Variants in GRIN2B observed in about 807,000 individuals in gnomAD.
GRIN2B encodes the protein glutamate ionotropic receptor NMDA type subunit 2B.
A neutral mutation model predicts 114.5 loss-of-function variants in GRIN2B; 5 were observed. That is an observed-to-expected ratio of 0.04 (90% CI 0.02 to 0.09). The LOEUF (loss-of-function observed/expected upper bound fraction) is 0.09, where lower values mean the gene tolerates loss of function less well. GRIN2B is among the 10% of genes least tolerant of loss of function. GRIN2B has a pLI of 1.00. For missense variants in GRIN2B, 1,108 were observed against 1,943.5 expected, an observed-to-expected ratio of 0.57 and a Z score of 8.08; for synonymous variants, 787 against 745.1, an observed-to-expected ratio of 1.06 and a Z score of -0.92.
At chr12:13,599,352 A>G (rs548979584) in intron 10 of GRIN2B, among the ~76,000 whole-genome samples, 1 of 152,296 alleles carries the variant, frequency 6.6e-6, no homozygotes, top group South Asian at 2.1e-4. Context: ...TGCCACCATT[A>G]CAGCTGGAGG....
At chr12:13,713,847 T>A (rs1318136020) in intron 4 of GRIN2B, among the ~76,000 whole-genome samples, 1 of 151,910 alleles carries the variant, frequency 6.6e-6, no homozygotes, top group Non-Finnish European at 1.5e-5. Context: ...GCTTTTAGTC[T>A]GCCTGGCTGG....
chr12:13,707,176 C>G (rs1219118034), intron 4 of GRIN2B, among the ~76,000 whole-genome samples: 4 of 152,074 alleles, frequency 2.6e-5, no homozygotes, highest in African/African-American at 2.4e-5. Context: ...TCTGTCAGCT[C>G]TTACTCCATT....
intron 3 of GRIN2B, among the ~76,000 whole-genome samples, chr12:13,824,873 A>C (rs1865003218): frequency 6.6e-6 from 1 of 151,282 alleles, no homozygotes; most frequent in East Asian, 1.9e-4. Context: ...AAAAAAAAAA[A>C]AAAAATCCAG....
At chr12:13,892,163 T>C (rs997508238) in intron 2 of GRIN2B, among the ~76,000 whole-genome samples, 1 of 152,168 alleles carries the variant, frequency 6.6e-6, no homozygotes, top group South Asian at 2.1e-4. Flanking sequence ...GTGAAATGAA[T>C]TGAAATTTCA....
intron 4 of GRIN2B, among the ~76,000 whole-genome samples, chr12:13,706,624 A>G (rs1353560139): frequency 1.3e-5 from 2 of 151,820 alleles, no homozygotes; most frequent in Non-Finnish European, 2.9e-5. Flanking sequence ...GGAATTCCCA[A>G]CCTCCCCATG....
At chr12:13,868,692 A>G (rs1865862554) in intron 2 of GRIN2B, among the ~76,000 whole-genome samples, 2 of 152,122 alleles carry the variant, frequency 1.3e-5, no homozygotes, top group Admixed American at 1.3e-4. Context: ...GCTCTCTCTA[A>G]AGTATCTCTT....
intron 10 of GRIN2B, among the ~76,000 whole-genome samples, chr12:13,599,692 G>A (rs1949128095): frequency 6.6e-6 from 1 of 152,118 alleles, no homozygotes; most frequent in Admixed American, 6.5e-5. Flanking sequence ...CTAAACTTTC[G>A]AACAAAGCAA....
intron 5 of GRIN2B, among the ~76,000 whole-genome samples, chr12:13,658,132 G>T (rs533826983): frequency 7.2e-5 from 11 of 151,858 alleles, no homozygotes; most frequent in Non-Finnish European, 1.6e-4. Context: ...ACTTGAACCC[G>T]GGAGGCTGAG....
chr12:13,722,059 C>T (rs1178906370), intron 4 of GRIN2B, among the ~76,000 whole-genome samples: 1 of 152,122 alleles, frequency 6.6e-6, no homozygotes, highest in Non-Finnish European at 1.5e-5. Flanking sequence ...ATAGTGACCA[C>T]TGGTGACTTT....
chr12:13,796,335 G>A (rs1864418732), intron 3 of GRIN2B, among the ~76,000 whole-genome samples: 1 of 152,162 alleles, frequency 6.6e-6, no homozygotes, highest in South Asian at 2.1e-4. Flanking sequence ...AGTCTCTGAG[G>A]CTCCAACTGG....
chr12:13,639,104 T>C (rs1314398539), intron 5 of GRIN2B, among the ~76,000 whole-genome samples: 1 of 152,164 alleles, frequency 6.6e-6, no homozygotes, highest in African/African-American at 2.4e-5. Flanking sequence ...CCCAAGGTCA[T>C]TGGGCTAATG....
In GRIN2B at chr12:13,588,657, A is replaced by T. The variant is rs1211555777; in HGVS notation, c.2011-16693T>A. ...GTCAAATGCATGCTCAAGAAAAATCATGCAGTTCTACCTGACCACATACTG... is the reference window on the plus strand; with the variant it reads ...GTCAAATGCATGCTCAAGAAAAATCTTGCAGTTCTACCTGACCACATACTG... On this transcript the variant is annotated intron_variant, in intron 10 of 13. Coordinates refer to ENST00000609686, the MANE Select transcript of GRIN2B (RefSeq NM_000834.5). Among the ~76,000 whole-genome samples the T allele has an allele frequency of 1.6e-4, 25 of 152,246 alleles. 2 individuals carry two copies. Among genetic ancestry groups the T allele is most frequent in the Non-Finnish European group, 3.7e-4 (25 of 68,046 alleles).
chr12:13,708,270 T>C (rs1411756815), intron 4 of GRIN2B, among the ~76,000 whole-genome samples: 1 of 152,122 alleles, frequency 6.6e-6, no homozygotes, highest in Admixed American at 6.6e-5. Flanking sequence ...AGTTTTATTC[T>C]GTCACACTTA....
intron 8 of GRIN2B, 134 bp from the exon 9 acceptor site, chr12:13,611,984 G>A (rs1949370948): frequency 1.2e-6 from 1 of 854,018 alleles, no homozygotes; most frequent in East Asian, 2.6e-5. Flanking sequence ...AGGAAGCCAG[G>A]GCCTAGGTTA....
Position 13,916,737 on chromosome 12 carries a change from T to TGTGTG in GRIN2B, c.-18-50512_-18-50511insCACAC, listed in dbSNP as rs1555156758. Among the ~76,000 whole-genome samples, 230 of 139,938 alleles carry TGTGTG rather than the reference T, an allele frequency of 1.6e-3. 2 individuals are homozygous for TGTGTG. The highest frequency in any genetic ancestry group is 2.7e-3 in the Non-Finnish European group (178 of 65,106). 91.8% of individuals were successfully genotyped at this position (139,938 alleles called of 152,430 possible). A position where few individuals can be genotyped will look rare whatever the true frequency, so the allele number is the denominator to read the frequency against. On this transcript the variant is annotated intron_variant, in intron 2 of 13. Transcript: ENST00000609686. ...TACACACACACACACACACACACAT[T>TGTGTG]TGTGTGTGTGTGTGTGTGTGTGTAT...
intron 8 of GRIN2B, among the ~76,000 whole-genome samples, chr12:13,612,864 T>C (rs1037106109): frequency 2.6e-5 from 4 of 152,258 alleles, no homozygotes; most frequent in South Asian, 4.1e-4. Context: ...CAGCACATTG[T>C]AAACTCATAA....
chr12:13,709,314 C>G (rs1398580713), intron 4 of GRIN2B, among the ~76,000 whole-genome samples: 3 of 151,768 alleles, frequency 2.0e-5, no homozygotes, highest in Admixed American at 1.3e-4. Flanking sequence ...TCGGCTTGTA[C>G]AAGAAAAAAA....
At chr12:13,825,737 C>T (rs1261640870) in intron 3 of GRIN2B, among the ~76,000 whole-genome samples, 1 of 151,700 alleles carries the variant, frequency 6.6e-6, no homozygotes, top group Non-Finnish European at 1.5e-5. Context: ...GGTTGGTCTC[C>T]ACCTCTTGAC....
intron 2 of GRIN2B, among the ~76,000 whole-genome samples, chr12:13,870,603 C>A (rs1865889153): frequency 6.6e-6 from 1 of 152,144 alleles, no homozygotes; most frequent in Admixed American, 6.6e-5. Context: ...GCAACCACAA[C>A]TGGAAGAATA....
Sources: gnomAD v4.1 joint callset for allele counts (sites outside exome capture counted in the v4.1 genomes callset) on GRCh38, gnomAD v4.1.1 for gene constraint, MANE v1.5 for transcripts, NCBI Gene and HGNC (gene_info 2026-07-23, HGNC 2026-07-21) for gene names.